Variants in ATP10A observed in about 807,000 individuals in gnomAD.
ATP10A encodes the protein phospholipid-transporting ATPase VA.
In ATP10A, 111 loss-of-function variants were observed where a neutral mutation model predicts 147.8. The observed-to-expected ratio is 0.75, with a 90% CI of 0.64 to 0.88. ATP10A has a LOEUF of 0.88. ATP10A is among the 40% of genes least tolerant of loss of function. The pLI, the probability that ATP10A is intolerant of heterozygous loss-of-function variation, is 0.00. For synonymous variants in ATP10A, 875 were observed against 841.6 expected (o/e 1.04, Z -0.69); for missense variants, 1,927 against 1,959.0 (o/e 0.98, Z 0.31).
chr15:25,761,741 C>A (rs1888768889), intron 2 of ATP10A, among the ~76,000 whole-genome samples: 1 of 152,194 alleles, frequency 6.6e-6, no homozygotes, highest in Non-Finnish European at 1.5e-5. Flanking sequence ...GCTATATTTA[C>A]CCAGTGCCTG....
chr15:25,715,260 G>T (rs537749164), intron 9 of ATP10A, among the ~76,000 whole-genome samples: 1 of 152,156 alleles, frequency 6.6e-6, no homozygotes, highest in Non-Finnish European at 1.5e-5. Context: ...CTTTAAATAC[G>T]CTACATAGCC....
At position 25,718,400 on chromosome 15, in the gene ATP10A, C is replaced by G; in HGVS notation, c.1364-1G>C. On this transcript the variant is annotated splice_acceptor_variant, in intron 7 of 20. Coordinates refer to ENST00000555815, the MANE Select transcript of ATP10A (RefSeq NM_024490.4). LOFTEE classifies it high-confidence loss of function. ...TCTTGGTACCTGGCCAGACGCTGCG[C>G]TGCGGGGAGAGGGCGCAGGGTGAGG... The G allele has an allele frequency of 6.3e-7, 1 of 1,590,918 alleles. No homozygotes were observed. Among genetic ancestry groups the G allele is most frequent in the Non-Finnish European group, 8.5e-7 (1 of 1,172,170 alleles).
chr15:25,829,588 C>A (rs146650020), intron 1 of ATP10A, among the ~76,000 whole-genome samples: 2 of 152,042 alleles, frequency 1.3e-5, no homozygotes, highest in South Asian at 4.2e-4. Context: ...CAAATCCATA[C>A]GTGGGTCAGA....
rs141645308 is a variant in ATP10A, at chr15:25,777,778, C to CTTTTTTTT, written c.654+3240_654+3241insAAAAAAAA. On this transcript the variant is annotated intron_variant, in intron 2 of 20. Coordinates refer to ENST00000555815, the MANE Select transcript of ATP10A (RefSeq NM_024490.4). ...CGATATCTGGCAATTTTTTTTCTTT[C>CTTTTTTTT]TTTCTTTTTTTTTTTTTGAGATGGG... Among the ~76,000 whole-genome samples the CTTTTTTTT allele has an allele frequency of 1.6e-5, 2 of 123,946 alleles. 1 individual carries two copies. Among genetic ancestry groups the CTTTTTTTT allele is most frequent in the African/African-American group, 5.5e-5 (2 of 36,318 alleles). The allele number at this position is 123,946 out of a possible 152,430, so 81.3% of individuals were successfully genotyped here.
At chr15:25,690,164 AC>A (rs1464107475) in intron 15 of ATP10A, among the ~76,000 whole-genome samples, 1 of 151,684 alleles carries the variant, frequency 6.6e-6, no homozygotes, top group Admixed American at 6.6e-5. Flanking sequence ...GTTGATAAAC[AC>A]GCACAATGGA....
chr15:25,770,062 T>G (rs895802759), intron 2 of ATP10A, among the ~76,000 whole-genome samples: 1 of 152,008 alleles, frequency 6.6e-6, no homozygotes, highest in Non-Finnish European at 1.5e-5. Flanking sequence ...TGTGAGAAAA[T>G]AAATTTCTGC....
downstream of ATP10A, among the ~76,000 whole-genome samples, chr15:25,672,842 G>A (rs1375946558): frequency 1.3e-5 from 2 of 152,132 alleles, no homozygotes; most frequent in Non-Finnish European, 2.9e-5. Context: ...GGTTGTTTTC[G>A]AGGGTAGACC....
intron 15 of ATP10A, among the ~76,000 whole-genome samples, chr15:25,690,579 T>C (rs1490860059): frequency 1.3e-5 from 2 of 152,238 alleles, no homozygotes; most frequent in Non-Finnish European, 2.9e-5. Context: ...ATGTGGTTCA[T>C]CTGCAAGTTT....
At chr15:25,850,074 TAA>T (rs1297374137) in intron 1 of ATP10A, among the ~76,000 whole-genome samples, 8 of 152,236 alleles carry the variant, frequency 5.3e-5, no homozygotes, top group Non-Finnish European at 8.8e-5. Context: ...CGCAGGTCGA[TAA>T]GATTACCCTT....
At chr15:25,681,869 T>G (rs748410955) in intron 17 of ATP10A, among the ~76,000 whole-genome samples, 5 of 152,018 alleles carry the variant, frequency 3.3e-5, no homozygotes, top group Non-Finnish European at 5.9e-5. Context: ...CTGGTTAACA[T>G]GGTGAAACCC....
At chr15:25,696,270 C>T (rs768681165) in intron 13 of ATP10A, among the ~76,000 whole-genome samples, 4 of 152,174 alleles carry the variant, frequency 2.6e-5, no homozygotes, top group Admixed American at 6.5e-5. Context: ...CAGTTACTGC[C>T]GTAGGGGGAA....
chr15:25,721,191 G>A (rs1201173054), intron 7 of ATP10A, among the ~76,000 whole-genome samples: 1 of 152,214 alleles, frequency 6.6e-6, no homozygotes, highest in Admixed American at 6.5e-5. Flanking sequence ...AATTGGGAGT[G>A]AGGCGATTCA....
At chr15:25,720,419 T>A (rs1460882408) in intron 7 of ATP10A, among the ~76,000 whole-genome samples, 1 of 152,216 alleles carries the variant, frequency 6.6e-6, no homozygotes, top group Non-Finnish European at 1.5e-5. Context: ...ATTCCTCGTG[T>A]CTATCTGAAA....
chr15:25,767,417 T>C (rs1889085719), intron 2 of ATP10A, among the ~76,000 whole-genome samples: 1 of 152,036 alleles, frequency 6.6e-6, no homozygotes, highest in Non-Finnish European at 1.5e-5. Context: ...CAGAGAGGCA[T>C]GGGGTTGGGG....
At chr15:25,833,634 A>G (rs1312045802) in intron 1 of ATP10A, among the ~76,000 whole-genome samples, 1 of 152,178 alleles carries the variant, frequency 6.6e-6, no homozygotes, top group Non-Finnish European at 1.5e-5. Flanking sequence ...CTCAGTTCCT[A>G]TGTTACTCCT....
chr15:25,802,419 G>T (rs1056200332), intron 1 of ATP10A, among the ~76,000 whole-genome samples: 1 of 123,614 alleles, frequency 8.1e-6, no homozygotes, highest in African/African-American at 3.3e-5. Context: ...GACCTTGCGT[G>T]TTGTGTTCCG....
intron 1 of ATP10A, among the ~76,000 whole-genome samples, chr15:25,781,470 C>A (rs1268884810): frequency 6.6e-6 from 1 of 152,052 alleles, no homozygotes; most frequent in Non-Finnish European, 1.5e-5. Flanking sequence ...GCCTGACCAA[C>A]ACGGTGAAAC....
intron 10 of ATP10A, among the ~76,000 whole-genome samples, chr15:25,712,133 T>C (rs888190537): frequency 2.6e-5 from 4 of 152,212 alleles, no homozygotes; most frequent in African/African-American, 7.2e-5. Context: ...ATTCATTCAA[T>C]TGAAAGGCAT....
chr15:25,727,041 T>A (rs1245985004), intron 4 of ATP10A, 119 bp downstream of exon 4: 98 of 688,368 alleles, frequency 1.4e-4, no homozygotes, highest in Admixed American at 6.2e-4. Context: ...TGGGCGACAG[T>A]GCGAGACTCG....
Sources: gnomAD v4.1 joint callset for allele counts (sites outside exome capture counted in the v4.1 genomes callset) on GRCh38, gnomAD v4.1.1 for gene constraint, MANE v1.5 for transcripts, NCBI Gene and HGNC (gene_info 2026-07-23, HGNC 2026-07-21) for gene names.